KCTD8: variants seen among roughly 807,000 people sequenced by gnomAD.
KCTD8 encodes the protein potassium channel tetramerization domain containing 8.
In KCTD8, 27 loss-of-function variants were observed where a neutral mutation model predicts 31.5. The ratio of observed to expected loss-of-function variants is 0.86; its 90% CI spans 0.63 to 1.18. The LOEUF is 1.18. Among genes scored for constraint, KCTD8 ranks in the 50% most tolerant of loss-of-function variants. KCTD8 has a pLI of 0.00. For missense variants in KCTD8, 658 were observed against 647.7 expected (o/e 1.02, Z -0.17); for synonymous variants, 290 against 280.0 (o/e 1.04, Z -0.36).
At chr4:44,347,287 A>G (rs1304681633) in intron 1 of KCTD8, among the ~76,000 whole-genome samples, 4 of 152,216 alleles carry the variant, frequency 2.6e-5, no homozygotes, top group Non-Finnish European at 5.9e-5. Flanking sequence ...GTCCATGACA[A>G]TCATGGTTGG....
intron 1 of KCTD8, among the ~76,000 whole-genome samples, chr4:44,380,780 G>T (rs894263294): frequency 1.3e-5 from 2 of 151,830 alleles, no homozygotes; most frequent in Admixed American, 1.3e-4. Context: ...TTTATGTCTA[G>T]ATTGAAGATG....
chr4:44,282,455 C>A (rs1716928386), intron 1 of KCTD8, among the ~76,000 whole-genome samples: 1 of 152,222 alleles, frequency 6.6e-6, no homozygotes, highest in East Asian at 1.9e-4. Flanking sequence ...TACAACAATA[C>A]TGAAATTAGG....
intron 1 of KCTD8, among the ~76,000 whole-genome samples, chr4:44,242,640 T>C (rs1361257640): frequency 2.0e-5 from 3 of 152,034 alleles, no homozygotes; most frequent in Admixed American, 2.0e-4. Flanking sequence ...AGTTTGACTA[T>C]ATGTCCTCTC....
At chr4:44,312,579 C>T (rs1296924486) in intron 1 of KCTD8, among the ~76,000 whole-genome samples, 2 of 152,106 alleles carry the variant, frequency 1.3e-5, no homozygotes, top group Admixed American at 1.3e-4. Flanking sequence ...CACACTGATG[C>T]ACCTGGAAAG....
intron 1 of KCTD8, among the ~76,000 whole-genome samples, chr4:44,274,734 T>C (rs10007704): frequency 0.39 from 58,463 of 151,554 alleles, 11,480 homozygotes; most frequent in East Asian, 0.64. Flanking sequence ...CTAATACATT[T>C]TATCATCTTT....
At chr4:44,359,622 T>C (rs1719444891) in intron 1 of KCTD8, among the ~76,000 whole-genome samples, 1 of 152,136 alleles carries the variant, frequency 6.6e-6, no homozygotes, top group Non-Finnish European at 1.5e-5. Context: ...ATGTTATTTA[T>C]TTCTTAATTA....
At position 44,438,050 on chromosome 4, in the gene KCTD8, G is replaced by A. The variant is rs138152141; in HGVS notation, c.961+9513C>T. On this transcript the variant is annotated intron_variant, in intron 1 of 1. Transcript: ENST00000360029. Reference sequence around the variant, plus strand: ...AGCAAAAGTCACTTTGGAATCATATGTATGAATCCTTACAAGGAGACATGC... The same window carrying A: ...AGCAAAAGTCACTTTGGAATCATATATATGAATCCTTACAAGGAGACATGC... Among the ~76,000 whole-genome samples the A allele has an allele frequency of 8.4e-3, 1,273 of 152,216 alleles. 63 individuals are homozygous for A. The highest frequency in any genetic ancestry group is 0.075 in the Admixed American group (1,139 of 15,264).
intron 1 of KCTD8, among the ~76,000 whole-genome samples, chr4:44,294,206 A>G (rs1413194094): frequency 6.6e-6 from 1 of 152,182 alleles, no homozygotes; most frequent in Non-Finnish European, 1.5e-5. Context: ...CTGTAAATAC[A>G]TCCTTCCTCT....
chr4:44,405,046 A>C (rs1720753726), intron 1 of KCTD8, among the ~76,000 whole-genome samples: 2 of 152,198 alleles, frequency 1.3e-5, no homozygotes, highest in South Asian at 4.1e-4. Flanking sequence ...TAAAATTAAA[A>C]ATTCATGAGG....
intron 1 of KCTD8, among the ~76,000 whole-genome samples, chr4:44,366,607 G>C (rs568045935): frequency 1.2e-4 from 18 of 152,038 alleles, no homozygotes; most frequent in Admixed American, 2.0e-4. Flanking sequence ...TTATAGCAGC[G>C]TGAGAATGGA....
At chr4:44,217,396 A>G (rs1292371449) in intron 1 of KCTD8, among the ~76,000 whole-genome samples, 1 of 152,180 alleles carries the variant, frequency 6.6e-6, no homozygotes, top group Non-Finnish European at 1.5e-5. Context: ...TTTATTGGCT[A>G]AAAGAGAAAG....
intron 1 of KCTD8, among the ~76,000 whole-genome samples, chr4:44,391,739 G>A (rs1222614248): frequency 2.0e-5 from 3 of 151,850 alleles, no homozygotes; most frequent in Non-Finnish European, 4.4e-5. Flanking sequence ...ACTGCATGGG[G>A]ATTGGCACTC....
At chr4:44,234,102 TA>T (rs1315966393) in intron 1 of KCTD8, among the ~76,000 whole-genome samples, 1 of 151,830 alleles carries the variant, frequency 6.6e-6, no homozygotes, top group African/African-American at 2.4e-5. Flanking sequence ...GTGTAATACT[TA>T]TTTAATTTTC....
chr4:44,316,749 G>A (rs1366941855), intron 1 of KCTD8, among the ~76,000 whole-genome samples: 4 of 124,508 alleles, frequency 3.2e-5, no homozygotes, highest in African/African-American at 6.1e-5. Flanking sequence ...AGGAGATCGA[G>A]ACCATCCTGG....
intron 1 of KCTD8, among the ~76,000 whole-genome samples, chr4:44,190,773 A>C (rs1713742433): frequency 6.6e-6 from 1 of 152,214 alleles, no homozygotes; most frequent in Non-Finnish European, 1.5e-5. Context: ...GAGAGCTGAA[A>C]GGGAATCCTA....
At chr4:44,405,348 C>T (rs1720767370) in intron 1 of KCTD8, among the ~76,000 whole-genome samples, 1 of 152,094 alleles carries the variant, frequency 6.6e-6, no homozygotes, top group Admixed American at 6.5e-5. Flanking sequence ...ATCTTGGCCT[C>T]CTGTGTTCAA....
rs559056774 is a variant in KCTD8, at chr4:44,275,513, G to C, written c.962-100263C>G. 2.4e-3 allele frequency among the ~76,000 whole-genome samples: 358 copies of C among 152,122 alleles called. 1 individual carries two copies. The highest frequency in any genetic ancestry group is 8.2e-3 in the African/African-American group (342 of 41,560). ...ATTTCTAAAGCTTTAGGAGGAGAAA[G>C]TTTTTAGTCATCTATAAACTGTACA... On this transcript the variant is annotated intron_variant, in intron 1 of 1. Coordinates refer to ENST00000360029, the MANE Select transcript of KCTD8 (RefSeq NM_198353.3).
chr4:44,309,697 G>A (rs1227792400), intron 1 of KCTD8, among the ~76,000 whole-genome samples: 1 of 151,982 alleles, frequency 6.6e-6, no homozygotes, highest in Non-Finnish European at 1.5e-5. Context: ...TAGAGAGAGA[G>A]CACTCATTGC....
intron 1 of KCTD8, among the ~76,000 whole-genome samples, chr4:44,410,928 T>C (rs1034878516): frequency 6.6e-6 from 1 of 152,150 alleles, no homozygotes; most frequent in African/African-American, 2.4e-5. Context: ...GACAGTTCTG[T>C]AAAATAACAA....
Sources: allele counts gnomAD v4.1 joint callset (sites outside exome capture counted in the v4.1 genomes callset), GRCh38; gene constraint gnomAD v4.1.1; transcripts MANE v1.5; gene names NCBI Gene and HGNC (gene_info 2026-07-23, HGNC 2026-07-21).